Variants in GNAO1 observed in about 807,000 individuals in gnomAD.
The protein encoded by GNAO1 is G protein subunit alpha o1.
For missense variants in GNAO1, 166 were observed against 478.7 expected (o/e 0.35, Z 6.10); for synonymous variants, 164 against 180.7 (o/e 0.91, Z 0.74).
intron 2 of GNAO1, among the ~76,000 whole-genome samples, chr16:56,226,075 G>C (rs1432419736): frequency 2.0e-5 from 3 of 152,030 alleles, no homozygotes; most frequent in African/African-American, 7.2e-5. Flanking sequence ...AATTAGGAGA[G>C]AGATGATCTG....
intron 2 of GNAO1, among the ~76,000 whole-genome samples, chr16:56,229,915 GGTGA>G (rs2036572349): frequency 6.6e-6 from 1 of 152,094 alleles, no homozygotes; most frequent in Non-Finnish European, 1.5e-5. Context: ...GGAAGAAGAT[GGTGA>G]GTGTGTGCCC....
At chr16:56,321,973 G>A (rs1433918071) in intron 3 of GNAO1, among the ~76,000 whole-genome samples, 3 of 152,204 alleles carry the variant, frequency 2.0e-5, no homozygotes, top group African/African-American at 7.2e-5. Context: ...CACAGTTCTG[G>A]AAGCTGGGAA....
chr16:56,278,280 C>G (rs1375875673), intron 3 of GNAO1, among the ~76,000 whole-genome samples: 1 of 152,224 alleles, frequency 6.6e-6, no homozygotes, highest in Non-Finnish European at 1.5e-5. Context: ...TGGCCAGCAC[C>G]TGGCCCATCC....
chr16:56,336,575 A>T (rs1408112101), intron 5 of GNAO1, 156 bp from the exon 6 acceptor site: 1 of 625,708 alleles, frequency 1.6e-6, no homozygotes, highest in Non-Finnish European at 2.7e-6. Flanking sequence ...GCTGTCTGTC[A>T]TCACCTGGAG....
intron 2 of GNAO1, among the ~76,000 whole-genome samples, chr16:56,274,711 A>G (rs1031871809): frequency 2.6e-5 from 4 of 152,234 alleles, no homozygotes; most frequent in African/African-American, 4.8e-5. Flanking sequence ...TGTCCAGAAT[A>G]GCCGAATTTA....
At chr16:56,300,573 G>A (rs1459325255) in intron 3 of GNAO1, 1 of 152,222 alleles carries the variant, frequency 6.6e-6, no homozygotes, top group Non-Finnish European at 1.5e-5. Flanking sequence ...CACAGAGAGC[G>A]AGTGACAGAG....
chr16:56,267,276 G>A (rs758399128), intron 2 of GNAO1, among the ~76,000 whole-genome samples: 2 of 152,152 alleles, frequency 1.3e-5, no homozygotes, highest in African/African-American at 4.8e-5. Flanking sequence ...CGGTGTTGGT[G>A]ACATTTCCCC....
chr16:56,229,525 C>G (rs1167354584), intron 2 of GNAO1, among the ~76,000 whole-genome samples: 1 of 152,006 alleles, frequency 6.6e-6, no homozygotes, highest in African/African-American at 2.4e-5. Context: ...TTGTTTTTAC[C>G]CATGTGAAAA....
intron 2 of GNAO1, among the ~76,000 whole-genome samples, chr16:56,199,463 A>G (rs141759298): frequency 0.01 from 1,551 of 152,338 alleles, 12 homozygotes; most frequent in Non-Finnish European, 0.015. Flanking sequence ...AGACAGCCCT[A>G]GCGTTCACCA....
chr16:56,247,186 G>A (rs2036754525), intron 2 of GNAO1, among the ~76,000 whole-genome samples: 1 of 152,194 alleles, frequency 6.6e-6, no homozygotes, highest in African/African-American at 2.4e-5. Flanking sequence ...ATGGGCTGGC[G>A]CCGGCCATCC....
chr16:56,341,809 G>T (rs548758852), intron 6 of GNAO1, among the ~76,000 whole-genome samples: 3 of 152,164 alleles, frequency 2.0e-5, no homozygotes, highest in Non-Finnish European at 4.4e-5. Flanking sequence ...AGCATAGCTC[G>T]GGTGCCCATC....
rs1057365191 is a variant in GNAO1 at position 56,343,669 on chromosome 16, G to A, written c.723+6809G>A. 18 of 986,128 alleles carry A rather than the reference G, an allele frequency of 1.8e-5. No individual in the cohort carries two copies. In the African/African-American group the frequency reaches 2.6e-4, roughly 14 times the overall value. The allele number at this position is 986,128 out of a possible 1,614,324, so 61.1% of individuals were successfully genotyped here. A position where few individuals can be genotyped will look rare whatever the true frequency, so the allele number is the denominator to read the frequency against. On this transcript the variant is annotated intron_variant, in intron 6 of 8. Coordinates refer to ENST00000262493, the MANE Select transcript of GNAO1 (RefSeq NM_020988.3). ...GTGCAGTTGTCTCTGAGAGGCCCAA[G>A]GCCGGATGGCCACACAGGCCAGGCT...
At chr16:56,333,045 T>C (rs2037705440) in intron 4 of GNAO1, among the ~76,000 whole-genome samples, 2 of 152,154 alleles carry the variant, frequency 1.3e-5, no homozygotes, top group African/African-American at 2.4e-5. Flanking sequence ...CCCCACACCG[T>C]TCCTGTCCAC....
chr16:56,320,593 C>G lies in GNAO1; in HGVS notation c.304-8038C>G, dbSNP rs189186075. On this transcript the variant is annotated intron_variant, in intron 3 of 8. Transcript: ENST00000262493. ...CCAAGGAGGGAGTGAGCAAAGGAAG[C>G]TGGCAGAGGAGGCTCCTCGAAGGGT... Among the ~76,000 whole-genome samples, 9 of 152,324 alleles carry G rather than the reference C, an allele frequency of 5.9e-5. No individual in the cohort carries two copies. The South Asian group carries it at 6.2e-4, about 11-fold the overall frequency.
intron 3 of GNAO1, among the ~76,000 whole-genome samples, chr16:56,279,478 C>T (rs2037094908): frequency 6.6e-6 from 1 of 152,210 alleles, no homozygotes; most frequent in African/African-American, 2.4e-5. Context: ...TGTACTCTCA[C>T]TCCTCTGGGC....
At chr16:56,345,037 G>C (rs1442458057) in intron 6 of GNAO1, 1 of 985,502 alleles carries the variant, frequency 1.0e-6, no homozygotes, top group African/African-American at 1.7e-5. Flanking sequence ...TTTGGACCCA[G>C]GCCAGCACAA....
At chr16:56,280,181 A>C (rs560646797) in intron 3 of GNAO1, among the ~76,000 whole-genome samples, 6 of 152,262 alleles carry the variant, frequency 3.9e-5, no homozygotes, top group Non-Finnish European at 7.3e-5. Flanking sequence ...TGGAGCTCAC[A>C]GGCAGAGTGA....
chr16:56,349,613 G>A (rs1363926730), intron 6 of GNAO1, among the ~76,000 whole-genome samples: 1 of 152,216 alleles, frequency 6.6e-6, no homozygotes, highest in Non-Finnish European at 1.5e-5. Context: ...ACTGATTGAG[G>A]ATAGGAGAGT....
chr16:56,289,255 T>G (rs868634180), intron 3 of GNAO1, among the ~76,000 whole-genome samples: 4 of 152,192 alleles, frequency 2.6e-5, no homozygotes, highest in African/African-American at 9.6e-5. Flanking sequence ...GGGGGGCAGA[T>G]CAGCCTGTCA....
Sources: allele counts gnomAD v4.1 joint callset (sites outside exome capture counted in the v4.1 genomes callset), GRCh38; gene constraint gnomAD v4.1.1; transcripts MANE v1.5; gene names NCBI Gene and HGNC (gene_info 2026-07-23, HGNC 2026-07-21).